The following PDE1A variants were observed in gnomAD, a reference collection of about 807,000 sequenced individuals.
PDE1A encodes the protein dual specificity calcium/calmodulin-dependent 3',5'-cyclic nucleotide phosphodiesterase 1A.
Under a neutral mutation model 61.7 loss-of-function variants are expected in PDE1A, and 35 were observed. That is an observed-to-expected ratio of 0.57 (90% CI 0.43 to 0.75). The LOEUF is 0.75. Among genes scored for constraint, PDE1A ranks in the 30% least tolerant of loss-of-function variants. PDE1A has a pLI of 0.00. For missense variants in PDE1A, 597 were observed against 630.6 expected, an observed-to-expected ratio of 0.95 and a Z score of 0.57; for synonymous variants, 232 against 213.2, an observed-to-expected ratio of 1.09 and a Z score of -0.77.
the PDE1A span, among the ~76,000 whole-genome samples, chr2:182,550,041 A>C: frequency 3.3e-5 from 5 of 152,178 alleles, no homozygotes; most frequent in Admixed American, 1.3e-4. Context: ...AAAAAGAGGA[A>C]CATTTTCTCT....
intron 2 of PDE1A, among the ~76,000 whole-genome samples, chr2:182,499,875 T>G (rs1400969209): frequency 6.6e-6 from 1 of 152,158 alleles, no homozygotes; most frequent in Non-Finnish European, 1.5e-5. Context: ...ACGCAATTCA[T>G]GAGAGTGCTG....
At chr2:182,415,169 C>T (rs1357283268) in intron 1 of PDE1A, among the ~76,000 whole-genome samples, 1 of 151,964 alleles carries the variant, frequency 6.6e-6, no homozygotes, top group African/African-American at 2.4e-5. Context: ...ATATTTTATT[C>T]CTAAAAGAGA....
intron 2 of PDE1A, among the ~76,000 whole-genome samples, chr2:182,258,656 A>G (rs1424828516): frequency 6.6e-6 from 1 of 152,216 alleles, no homozygotes; most frequent in Non-Finnish European, 1.5e-5. Context: ...TCTTGTTAGA[A>G]GCCATGTCTT....
intron 10 of PDE1A, among the ~76,000 whole-genome samples, chr2:182,200,232 T>C (rs1167333922): frequency 6.6e-6 from 1 of 152,172 alleles, no homozygotes; most frequent in Non-Finnish European, 1.5e-5. Context: ...TCATGAGTGA[T>C]AGGAGACTCT....
At chr2:182,646,377 AG>A in the PDE1A span, among the ~76,000 whole-genome samples, 1 of 128,140 alleles carries the variant, frequency 7.8e-6, no homozygotes, top group Non-Finnish European at 1.6e-5. Context: ...GTTTGAACCC[AG>A]GAGGTGAAGG....
chr2:182,602,715 G>A, the PDE1A span, among the ~76,000 whole-genome samples: 1 of 152,068 alleles, frequency 6.6e-6, no homozygotes, highest in Non-Finnish European at 1.5e-5. Flanking sequence ...ATTGGGCAAT[G>A]GCAGTAATTT....
chr2:182,709,452 T>A, the PDE1A span, among the ~76,000 whole-genome samples: 10 of 152,160 alleles, frequency 6.6e-5, no homozygotes, highest in Non-Finnish European at 1.0e-4. Context: ...TAGCTAGGCA[T>A]TGAAGGAAAG....
intron 1 of PDE1A, among the ~76,000 whole-genome samples, chr2:182,278,732 G>A (rs1693609211): frequency 6.6e-6 from 1 of 151,968 alleles, no homozygotes; most frequent in Admixed American, 6.6e-5. Context: ...CATTCCAGAA[G>A]GAGCCTTCAC....
chr2:182,210,831 G>T (rs2368277), intron 7 of PDE1A, among the ~76,000 whole-genome samples: 31,146 of 151,734 alleles, frequency 0.21, 3,416 homozygotes, highest in East Asian at 0.32. Context: ...ATTTTGTAAA[G>T]GGTATAAGGC....
chr2:182,646,693 A>G, the PDE1A span, among the ~76,000 whole-genome samples: 26 of 152,132 alleles, frequency 1.7e-4, 1 homozygote, highest in Admixed American at 1.5e-3. Flanking sequence ...AGGAAAAAAA[A>G]AAAAAGAATT....
At chr2:182,516,999 C>A (rs541711862) in intron 2 of PDE1A, among the ~76,000 whole-genome samples, 50 of 152,208 alleles carry the variant, frequency 3.3e-4, no homozygotes, top group African/African-American at 1.2e-3. Context: ...AGTAACATAT[C>A]CTTTGGTTCA....
At chr2:182,327,803 G>A (rs1025295134) in intron 1 of PDE1A, among the ~76,000 whole-genome samples, 23 of 152,202 alleles carry the variant, frequency 1.5e-4, no homozygotes, top group Non-Finnish European at 7.3e-5. Context: ...ATGAAGAGTG[G>A]GGAGAAATGT....
At chr2:182,308,425 T>G (rs1198142690) in intron 1 of PDE1A, among the ~76,000 whole-genome samples, 2 of 152,148 alleles carry the variant, frequency 1.3e-5, no homozygotes, top group East Asian at 1.9e-4. Flanking sequence ...AAATCTCTTT[T>G]AAAGTCCGAA....
At position 182,492,282 on chromosome 2, in the gene PDE1A, G is replaced by C. The variant is rs72886927; in HGVS notation, c.101+29994C>G. Among the ~76,000 whole-genome samples the C allele has an allele frequency of 5.4e-3, 821 of 152,184 alleles. 3 individuals are homozygous for C. Among genetic ancestry groups the C allele is most frequent in the Non-Finnish European group, 9.2e-3 (623 of 68,004 alleles). On this transcript the variant is annotated intron_variant, in intron 2 of 14. Transcript: ENST00000410103. ...TATTTATGTGATTATTTGTGTCAAA[G>C]TCTAACTCTCATACTAGCTTTTAAG... is the stretch of plus-strand genomic sequence containing the variant.
intron 13 of PDE1A, among the ~76,000 whole-genome samples, chr2:182,173,193 C>T (rs1162095441): frequency 6.6e-6 from 1 of 151,940 alleles, no homozygotes; most frequent in East Asian, 1.9e-4. Flanking sequence ...AAGTGTTCTA[C>T]CTAGACCTTC....
chr2:182,643,649 A>C, the PDE1A span, among the ~76,000 whole-genome samples: 1 of 152,200 alleles, frequency 6.6e-6, no homozygotes, highest in Non-Finnish European at 1.5e-5. Context: ...AAGCTCTCTC[A>C]CCAGAACTAT....
intron 7 of PDE1A, among the ~76,000 whole-genome samples, chr2:182,221,273 G>T (rs16822886): frequency 6.6e-6 from 1 of 151,842 alleles, no homozygotes; most frequent in Non-Finnish European, 1.5e-5. Context: ...TTTCAAAGTC[G>T]AAAGGGCAAC....
At chr2:182,465,078 T>C (rs2125782285) in intron 2 of PDE1A, among the ~76,000 whole-genome samples, 1 of 152,290 alleles carries the variant, frequency 6.6e-6, no homozygotes, top group East Asian at 1.9e-4. Flanking sequence ...CTCAGTTTTT[T>C]TAATTTGACT....
chr2:182,502,117 C>T (rs536385239), intron 2 of PDE1A, among the ~76,000 whole-genome samples: 3 of 152,294 alleles, frequency 2.0e-5, no homozygotes, highest in African/African-American at 7.2e-5. Flanking sequence ...TCCTCAAATG[C>T]CTCTTCAAAT....
Sources: gnomAD v4.1 joint callset for allele counts (sites outside exome capture counted in the v4.1 genomes callset) on GRCh38, gnomAD v4.1.1 for gene constraint, MANE v1.5 for transcripts, NCBI Gene and HGNC (gene_info 2026-07-23, HGNC 2026-07-21) for gene names.